EYS: variants seen among roughly 807,000 people sequenced by gnomAD.
EYS encodes protein eyes shut homolog.
Under a neutral mutation model 282.1 loss-of-function variants are expected in EYS, and 250 were observed. The observed-to-expected ratio is 0.89, with a 90% CI of 0.80 to 0.98. The LOEUF is 0.98. Ranked by LOEUF, EYS falls within the 50% of genes least tolerant of loss-of-function variation. The pLI, the probability that EYS is intolerant of heterozygous loss-of-function variation, is 0.00. For missense variants in EYS, 4,016 were observed against 3,709.0 expected, an observed-to-expected ratio of 1.08 and a Z score of -2.15; for synonymous variants, 1,355 against 1,282.9, an observed-to-expected ratio of 1.06 and a Z score of -1.20.
At chr6:63,746,553 C>T (rs1769214315) in intron 41 of EYS, among the ~76,000 whole-genome samples, 1 of 152,112 alleles carries the variant, frequency 6.6e-6, no homozygotes, top group African/African-American at 2.4e-5. Context: ...TTCATCTGGT[C>T]CTCGGCTGTT....
At chr6:64,506,825 C>T (rs933966011) in intron 26 of EYS, among the ~76,000 whole-genome samples, 11 of 145,938 alleles carry the variant, frequency 7.5e-5, no homozygotes, top group African/African-American at 2.8e-4. Flanking sequence ...AGGAAAATGG[C>T]GGGAACCCGG....
chr6:65,511,553 T>C (rs1766868270), intron 2 of EYS, among the ~76,000 whole-genome samples: 2 of 152,188 alleles, frequency 1.3e-5, no homozygotes, highest in African/African-American at 4.8e-5. Context: ...GGAATCCACC[T>C]GCCCTAACCT....
intron 1 of EYS, among the ~76,000 whole-genome samples, chr6:65,664,162 G>A (rs1227328388): frequency 1.3e-5 from 2 of 152,026 alleles, no homozygotes; most frequent in African/African-American, 2.4e-5. Flanking sequence ...GAGCCACCGC[G>A]CCCGGCCCAT....
intron 12 of EYS, among the ~76,000 whole-genome samples, chr6:65,173,569 G>A (rs192275483): frequency 6.6e-6 from 1 of 151,200 alleles, no homozygotes; most frequent in Admixed American, 6.6e-5. Flanking sequence ...ATCATAAAGA[G>A]AAGGCAATGA....
chr6:64,008,439 T>C (rs1274468342), intron 33 of EYS, among the ~76,000 whole-genome samples: 4 of 152,192 alleles, frequency 2.6e-5, no homozygotes, highest in Admixed American at 2.0e-4. Context: ...GTATGCCCTT[T>C]AATTGAGGCA....
At chr6:64,027,355 C>T (rs563522527) in intron 33 of EYS, among the ~76,000 whole-genome samples, 4 of 152,296 alleles carry the variant, frequency 2.6e-5, no homozygotes, top group Middle Eastern at 3.4e-3. Context: ...TCCCCTGTCA[C>T]CTGAATCACT....
chr6:65,238,355 C>T (rs977473077), intron 12 of EYS, among the ~76,000 whole-genome samples: 12 of 151,442 alleles, frequency 7.9e-5, no homozygotes, highest in African/African-American at 2.9e-4. Context: ...TAATATTTCA[C>T]TGTCACTTGT....
chr6:64,831,292 A>C (rs910090505), intron 19 of EYS, among the ~76,000 whole-genome samples: 5 of 152,034 alleles, frequency 3.3e-5, no homozygotes, highest in African/African-American at 1.2e-4. Flanking sequence ...TACTAGGAAA[A>C]TGTATATCAT....
intron 33 of EYS, among the ~76,000 whole-genome samples, chr6:64,045,037 A>G (rs1770555572): frequency 6.6e-6 from 1 of 152,126 alleles, no homozygotes; most frequent in African/African-American, 2.4e-5. Flanking sequence ...AATCCAGTGG[A>G]AAAGGAAAAG....
intron 22 of EYS, among the ~76,000 whole-genome samples, chr6:64,690,776 T>A (rs1167232371): frequency 6.6e-6 from 1 of 151,630 alleles, no homozygotes; most frequent in Non-Finnish European, 1.5e-5. Flanking sequence ...GGGAATTGAA[T>A]AATGAGAACA....
intron 22 of EYS, among the ~76,000 whole-genome samples, chr6:64,661,812 G>T (rs1322474675): frequency 7.3e-6 from 1 of 136,134 alleles, no homozygotes; most frequent in Non-Finnish European, 1.6e-5. Flanking sequence ...AACCATTGTG[G>T]AATTCAGTGT....
intron 14 of EYS, among the ~76,000 whole-genome samples, chr6:64,979,899 T>G: frequency 6.6e-6 from 1 of 151,676 alleles, no homozygotes; most frequent in East Asian, 1.9e-4. Flanking sequence ...GGACAAATTA[T>G]TTTTAGTAGA....
chr6:65,327,909 T>A (rs1298724570), intron 11 of EYS, among the ~76,000 whole-genome samples: 1 of 151,428 alleles, frequency 6.6e-6, no homozygotes, highest in African/African-American at 2.4e-5. Flanking sequence ...AGTTAAAAAA[T>A]TCTAAGAAAT....
intron 18 of EYS, among the ~76,000 whole-genome samples, chr6:64,901,777 T>A (rs1233622149): frequency 6.6e-6 from 1 of 152,142 alleles, no homozygotes; most frequent in African/African-American, 2.4e-5. Context: ...GAGCAACAGA[T>A]ACATGCATCA....
Position 64,929,169 on chromosome 6 carries a change from T to A in EYS, c.2382-16426A>T, listed in dbSNP as rs190180209. ...CACTGTCTTTTAAAAAGGGGGGAAA[T>A]TTTGACACAGAGATAGGCCCTCACA... is the stretch of plus-strand genomic sequence containing the variant. On this transcript the variant is annotated intron_variant, in intron 15 of 42. Coordinates refer to ENST00000503581, the MANE Select transcript of EYS (RefSeq NM_001142800.2). 4.7e-4 allele frequency among the ~76,000 whole-genome samples: 71 copies of A among 152,092 alleles called. 2 individuals carry two copies. The highest frequency in any genetic ancestry group is 1.7e-3 in the African/African-American group (69 of 41,518).
At chr6:64,365,898 G>C (rs746670013) in intron 29 of EYS, among the ~76,000 whole-genome samples, 38 of 152,136 alleles carry the variant, frequency 2.5e-4, no homozygotes, top group Non-Finnish European at 5.0e-4. Context: ...TGCAGAAAAG[G>C]AAGGACTACT....
At chr6:65,705,974 T>C (rs1213081728) in intron 1 of EYS, among the ~76,000 whole-genome samples, 1 of 151,922 alleles carries the variant, frequency 6.6e-6, no homozygotes, top group African/African-American at 2.4e-5. Flanking sequence ...TACCTAAATA[T>C]TAAGTTTTAA....
At chr6:65,086,915 C>A (rs1774395725) in intron 12 of EYS, among the ~76,000 whole-genome samples, 1 of 151,990 alleles carries the variant, frequency 6.6e-6, no homozygotes, top group South Asian at 2.1e-4. Context: ...CTCCACCTCC[C>A]AGGTTCAAGT....
chr6:64,893,367 C>T (rs1307901643), intron 18 of EYS, among the ~76,000 whole-genome samples: 1 of 151,998 alleles, frequency 6.6e-6, no homozygotes, highest in East Asian at 1.9e-4. Context: ...AAACATGAAT[C>T]TAACCATGAG....
Sources: gnomAD v4.1 joint callset for allele counts (sites outside exome capture counted in the v4.1 genomes callset) on GRCh38, gnomAD v4.1.1 for gene constraint, MANE v1.5 for transcripts, NCBI Gene and HGNC (gene_info 2026-07-23, HGNC 2026-07-21) for gene names.